ADAMTS3: variants seen among roughly 807,000 people sequenced by gnomAD.
ADAMTS3 encodes the protein A disintegrin and metalloproteinase with thrombospondin motifs 3.
A neutral mutation model predicts 129.0 loss-of-function variants in ADAMTS3; 73 were observed. The observed-to-expected ratio is 0.57, with a 90% CI of 0.47 to 0.69. ADAMTS3 has a LOEUF of 0.69. ADAMTS3 is among the 30% of genes least tolerant of loss of function. ADAMTS3 has a pLI of 0.00. For missense variants in ADAMTS3, 1,457 were observed against 1,514.5 expected (o/e 0.96, Z 0.63); for synonymous variants, 477 against 510.8 (o/e 0.93, Z 0.89).
chr4:72,479,034 A>G (rs1239854939), intron 3 of ADAMTS3, among the ~76,000 whole-genome samples: 1 of 152,184 alleles, frequency 6.6e-6, no homozygotes. Context: ...CTGCTCAACG[A>G]AATAAAAGAG....
intron 3 of ADAMTS3, among the ~76,000 whole-genome samples, chr4:72,434,503 C>A (rs1722773225): frequency 6.6e-6 from 1 of 151,672 alleles, no homozygotes; most frequent in African/African-American, 2.4e-5. Flanking sequence ...TAAATCTAAA[C>A]CTCTGAGGTT....
intron 4 of ADAMTS3, among the ~76,000 whole-genome samples, chr4:72,340,391 T>C (rs557572295): frequency 6.6e-6 from 1 of 151,566 alleles, no homozygotes; most frequent in South Asian, 2.1e-4. Context: ...TTATATATTA[T>C]ATATATATGC....
intron 3 of ADAMTS3, among the ~76,000 whole-genome samples, chr4:72,444,777 C>T (rs1215932828): frequency 6.6e-6 from 1 of 151,502 alleles, no homozygotes; most frequent in Admixed American, 6.6e-5. Flanking sequence ...TTCATAATTG[C>T]CAGAAAGTGG....
At chr4:72,321,306 G>A (rs1719548388) in intron 6 of ADAMTS3, among the ~76,000 whole-genome samples, 1 of 151,596 alleles carries the variant, frequency 6.6e-6, no homozygotes, top group South Asian at 2.1e-4. Context: ...TGAGTAGCTG[G>A]GATTACAGGC....
intron 3 of ADAMTS3, among the ~76,000 whole-genome samples, chr4:72,447,062 A>G (rs1020257942): frequency 2.6e-5 from 4 of 151,784 alleles, no homozygotes; most frequent in Non-Finnish European, 5.9e-5. Flanking sequence ...GCAATTATAA[A>G]CATTAGTGTC....
At chr4:72,550,113 A>AGG (rs1560564353) in intron 2 of ADAMTS3, among the ~76,000 whole-genome samples, 6 of 139,958 alleles carry the variant, frequency 4.3e-5, no homozygotes, top group South Asian at 2.4e-4. Context: ...GAAGAAGAAG[A>AGG]AGAAGGCATA....
At chr4:72,460,946 A>G (rs576580873) in intron 3 of ADAMTS3, among the ~76,000 whole-genome samples, 1 of 151,704 alleles carries the variant, frequency 6.6e-6, no homozygotes, top group South Asian at 2.1e-4. Flanking sequence ...ATTACTTATA[A>G]TATCAATAAA....
At chr4:72,320,311 A>G (rs1719518679) in intron 7 of ADAMTS3, among the ~76,000 whole-genome samples, 1 of 152,172 alleles carries the variant, frequency 6.6e-6, no homozygotes, top group African/African-American at 2.4e-5. Flanking sequence ...TAAAAAGAAA[A>G]TCATCAGTCT....
chr4:72,283,022 A>G lies in ADAMTS3; in HGVS notation c.*114T>C. 5 of 912,554 alleles carry G rather than the reference A, an allele frequency of 5.5e-6. No individual in the cohort carries two copies. The highest frequency in any genetic ancestry group is 3.3e-6 in the Non-Finnish European group (2 of 603,966). 56.5% of individuals were successfully genotyped at this position (912,554 alleles called of 1,614,324 possible). A position where few individuals can be genotyped will look rare whatever the true frequency, so the allele number is the denominator to read the frequency against. ...GCACTTTCTGTTCTTCCAATTACAGATAAAATGAGCTGACGATCTATAGAG... is the reference window on the plus strand; with the variant it reads ...GCACTTTCTGTTCTTCCAATTACAGGTAAAATGAGCTGACGATCTATAGAG... On this transcript the variant is annotated 3_prime_UTR_variant, in exon 22 of 22. Coordinates refer to ENST00000286657, the MANE Select transcript of ADAMTS3 (RefSeq NM_014243.3).
At chr4:72,485,234 G>GT (rs1389291287) in intron 3 of ADAMTS3, among the ~76,000 whole-genome samples, 3 of 152,110 alleles carry the variant, frequency 2.0e-5, no homozygotes, top group Non-Finnish European at 1.5e-5. Context: ...CCAATATACT[G>GT]TTTTTGTGTA....
intron 3 of ADAMTS3, among the ~76,000 whole-genome samples, chr4:72,520,723 G>A (rs1053007005): frequency 1.3e-4 from 20 of 152,116 alleles, no homozygotes; most frequent in Admixed American, 5.2e-4. Context: ...GGATTGACCC[G>A]ATTTTCCAGG....
intron 3 of ADAMTS3, among the ~76,000 whole-genome samples, chr4:72,423,895 T>C (rs1027706776): frequency 6.6e-6 from 1 of 152,124 alleles, no homozygotes; most frequent in African/African-American, 2.4e-5. Context: ...GTAGCTGGAA[T>C]AGCCCCCAAG....
intron 3 of ADAMTS3, among the ~76,000 whole-genome samples, chr4:72,522,220 C>A (rs1159802925): frequency 6.6e-6 from 1 of 152,162 alleles, no homozygotes; most frequent in African/African-American, 2.4e-5. Context: ...CCTTTCCTCC[C>A]ACCATTGACC....
intron 4 of ADAMTS3, among the ~76,000 whole-genome samples, chr4:72,377,354 C>A (rs1201793514): frequency 1.3e-5 from 2 of 152,052 alleles, no homozygotes; most frequent in African/African-American, 4.8e-5. Context: ...TTTATTTAGT[C>A]CGTGTAAATG....
chr4:72,404,051 G>A (rs374534846), intron 4 of ADAMTS3, among the ~76,000 whole-genome samples: 13 of 152,106 alleles, frequency 8.5e-5, no homozygotes, highest in African/African-American at 1.7e-4. Context: ...ATGTCCATGC[G>A]TTGGAAAAGT....
chr4:72,452,479 T>C (rs1718431775), intron 3 of ADAMTS3, among the ~76,000 whole-genome samples: 1 of 151,748 alleles, frequency 6.6e-6, no homozygotes, highest in South Asian at 2.1e-4. Context: ...AAATTGCTTC[T>C]AGATATAATT....
At chr4:72,533,371 C>T (rs946575905) in intron 3 of ADAMTS3, among the ~76,000 whole-genome samples, 1 of 152,112 alleles carries the variant, frequency 6.6e-6, no homozygotes, top group Non-Finnish European at 1.5e-5. Context: ...GAGCTGTCAT[C>T]TCCTGTTATA....
intron 3 of ADAMTS3, among the ~76,000 whole-genome samples, chr4:72,494,567 G>T (rs1719826653): frequency 6.6e-6 from 1 of 152,100 alleles, no homozygotes; most frequent in Non-Finnish European, 1.5e-5. Flanking sequence ...CCAGTTCATA[G>T]ACTTCCATTT....
At chr4:72,503,371 C>T (rs1469286121) in intron 3 of ADAMTS3, among the ~76,000 whole-genome samples, 1 of 152,160 alleles carries the variant, frequency 6.6e-6, no homozygotes. Context: ...ACACAAAATT[C>T]ATTCAAAAGC....
Sources: allele counts gnomAD v4.1 joint callset (sites outside exome capture counted in the v4.1 genomes callset), GRCh38; gene constraint gnomAD v4.1.1; transcripts MANE v1.5; gene names NCBI Gene and HGNC (gene_info 2026-07-23, HGNC 2026-07-21).